The following KIAA0319 variants were observed in gnomAD, a reference collection of about 807,000 sequenced individuals.
The protein encoded by KIAA0319 is dyslexia-associated protein KIAA0319.
In KIAA0319, 83 loss-of-function variants were observed where a neutral mutation model predicts 108.4. That is an observed-to-expected ratio of 0.77 (90% CI 0.64 to 0.92). The LOEUF (loss-of-function observed/expected upper bound fraction) is 0.92. KIAA0319 is among the 40% of genes least tolerant of loss of function. The pLI is 0.00. For missense variants in KIAA0319, 1,195 were observed against 1,322.4 expected (o/e 0.90, Z 1.49); for synonymous variants, 484 against 510.4 (o/e 0.95, Z 0.70).
intron 1 of KIAA0319, among the ~76,000 whole-genome samples, chr6:24,612,567 G>C (rs1477768901): frequency 6.6e-6 from 1 of 152,148 alleles, no homozygotes; most frequent in Non-Finnish European, 1.5e-5. Flanking sequence ...GAAATACTTT[G>C]CATTAGTAAA....
At chr6:24,548,389 T>A (rs1442300531) in intron 20 of KIAA0319, among the ~76,000 whole-genome samples, 1 of 152,182 alleles carries the variant, frequency 6.6e-6, no homozygotes, top group Non-Finnish European at 1.5e-5. Context: ...ACACAGAAAC[T>A]GAAGAGGCCA....
intron 18 of KIAA0319, among the ~76,000 whole-genome samples, chr6:24,555,224 C>T (rs2744607): frequency 0.29 from 44,685 of 152,004 alleles, 7,888 homozygotes; most frequent in African/African-American, 0.5. Flanking sequence ...AGGCAGGGTG[C>T]GGTGGCTCAC....
Position 24,547,294 on chromosome 6 carries a change from C to G in KIAA0319, c.3090G>C (p.Glu1030Asp), listed in dbSNP as rs1176799138. 6.2e-7 allele frequency: 1 copy of G among 1,614,078 alleles called. No individual in the cohort carries two copies. Among genetic ancestry groups the G allele is most frequent in the African/African-American group, 1.3e-5 (1 of 74,932 alleles). ...TGTCCTGGTCACTGTCAAACTCAGA[C>G]TCGGATACCATCAGGCTGGAGTTGT... is the stretch of plus-strand genomic sequence containing the variant. ...TEHNSSLMVS[E>D]SEFDSDQDTI... The change falls in exon 21 of 21, where the codon GAG (glutamate) becomes GAC (aspartate). Residue 1030 changes from glutamate (E) to aspartate (D), a missense_variant. Glu to Asp is a conservative substitution (Grantham distance 45). Transcript: ENST00000378214.
intron 3 of KIAA0319, among the ~76,000 whole-genome samples, chr6:24,595,463 C>T (rs1325214384): frequency 7.1e-6 from 1 of 140,900 alleles, no homozygotes; most frequent in East Asian, 2.3e-4. Context: ...AGGAGAATGG[C>T]GTGAACCCAG....
chr6:24,619,410 T>C (rs1773608072), intron 1 of KIAA0319, among the ~76,000 whole-genome samples: 1 of 152,094 alleles, frequency 6.6e-6, no homozygotes, highest in African/African-American at 2.4e-5. Context: ...ATGGATAAGA[T>C]GTAAGGTGTG....
intron 14 of KIAA0319, among the ~76,000 whole-genome samples, chr6:24,565,752 CA>C (rs71542686): frequency 2.4e-3 from 151 of 62,714 alleles, no homozygotes; most frequent in South Asian, 6.2e-3. Flanking sequence ...GACTCCATCT[CA>C]AAAAAAAAAA....
rs747681227 is a variant in KIAA0319, at chr6:24,572,632, C to A, written c.1801G>T (p.Val601Leu). 6.2e-7 allele frequency: 1 copy of A among 1,614,000 alleles called. No homozygotes were observed. The highest frequency in any genetic ancestry group is 1.1e-5 in the South Asian group (1 of 91,066). ...GACTGTTGCCTTGAAGAATCTGTCA[C>A]CTTCAGCTGAAATGTATAATCTCCT... ...QEGDYTFQLK[V>L]TDSSRQQSTA... The change falls in exon 11 of 21, where the codon GTG becomes TTG. Residue 601 changes from valine to leucine, a missense_variant. Val to Leu is a conservative substitution (Grantham distance 32, BLOSUM62 1). Transcript: ENST00000378214.
In KIAA0319 at chr6:24,551,532, G is replaced by C; in HGVS notation, c.2949-7C>G. On this transcript the variant is annotated splice_region_variant and splice_polypyrimidine_tract_variant and intron_variant, in intron 19 of 20. Coordinates refer to ENST00000378214, the MANE Select transcript of KIAA0319 (RefSeq NM_014809.4). Reference sequence around the variant, plus strand: ...GATTTTAGTCCTTTTTTGTCTGAAAGGAACAATGAAAAGCTCAACTCAGAT... The same window carrying C: ...GATTTTAGTCCTTTTTTGTCTGAAACGAACAATGAAAAGCTCAACTCAGAT... 6.4e-7 allele frequency: 1 copy of C among 1,571,220 alleles called. No individual in the cohort carries two copies. Among genetic ancestry groups the C allele is most frequent in the Non-Finnish European group, 8.8e-7 (1 of 1,140,802 alleles).
At chr6:24,567,605 G>A (rs1764083395) in intron 13 of KIAA0319, among the ~76,000 whole-genome samples, 1 of 152,174 alleles carries the variant, frequency 6.6e-6, no homozygotes, top group Non-Finnish European at 1.5e-5. Context: ...GGAAGCTGAG[G>A]TGAGAGAATC....
intron 1 of KIAA0319, among the ~76,000 whole-genome samples, chr6:24,605,120 C>T (rs1771216803): frequency 6.6e-6 from 1 of 152,250 alleles, no homozygotes. Context: ...GGATTATAGG[C>T]ATGAGCCACC....
intron 2 of KIAA0319, chr6:24,598,990 G>T: frequency 3.0e-6 from 2 of 674,142 alleles, no homozygotes; most frequent in Admixed American, 1.9e-5. Flanking sequence ...GAGGAGTCTC[G>T]CCTGGAAGGG....
chr6:24,583,663 AT>A lies in KIAA0319; in HGVS notation c.1033del (p.Ile345Ter), dbSNP rs1766988740. On this transcript the variant is annotated frameshift_variant, in exon 5 of 21. Coordinates refer to ENST00000378214, the MANE Select transcript of KIAA0319 (RefSeq NM_014809.4). LOFTEE classifies it high-confidence loss of function. The stretch of plus-strand genomic sequence containing the variant: ...TTCAACTTCATTGTCGGGTAAAGTT[AT>A]AATTAGGTTATCTCCAGCCGATACC... ...LTVSAGDNLI[I>X]TLPDNEVELK... 6.2e-6 allele frequency: 10 copies of A among 1,613,772 alleles called. No homozygotes were observed. Among genetic ancestry groups the A allele is most frequent in the Non-Finnish European group, 8.5e-6 (10 of 1,179,848 alleles).
In KIAA0319 at chr6:24,599,548, A is replaced by G; in HGVS notation, c.55+1501T>C. ...TACAGGAAGGTGCTGGAGGGCGAGG[A>G]GAGCTGGCTGGAGTCTGGGATGCAG... On this transcript the variant is annotated intron_variant, in intron 2 of 20. Coordinates refer to ENST00000378214, the MANE Select transcript of KIAA0319 (RefSeq NM_014809.4). This position sits in a 1 kb window ranked among gnomAD's most constrained non-coding sequence, Gnocchi z 4.1. 1 of 579,562 alleles carries G rather than the reference A, an allele frequency of 1.7e-6. No individual in the cohort carries two copies. The allele number at this position is 579,562 out of a possible 1,614,324, so 35.9% of individuals were successfully genotyped here. A position where few individuals can be genotyped will look rare whatever the true frequency, so the allele number is the denominator to read the frequency against.
At chr6:24,580,305 G>A (rs985823424) in intron 7 of KIAA0319, among the ~76,000 whole-genome samples, 2 of 151,790 alleles carry the variant, frequency 1.3e-5, no homozygotes, top group Non-Finnish European at 2.9e-5. Flanking sequence ...TCTAACTGAA[G>A]GCAACTCCCC....
intron 1 of KIAA0319, among the ~76,000 whole-genome samples, chr6:24,609,817 C>T (rs1457206170): frequency 6.6e-6 from 1 of 151,948 alleles, no homozygotes. Flanking sequence ...GACAAGGGTT[C>T]CAGGACAATT....
At chr6:24,560,035 C>T (rs947698993) in intron 16 of KIAA0319, among the ~76,000 whole-genome samples, 1 of 152,194 alleles carries the variant, frequency 6.6e-6, no homozygotes, top group Non-Finnish European at 1.5e-5. Flanking sequence ...CACATCAATA[C>T]TTTATTCCTT....
At chr6:24,548,718 T>C (rs1450472529) in intron 20 of KIAA0319, among the ~76,000 whole-genome samples, 2 of 152,150 alleles carry the variant, frequency 1.3e-5, no homozygotes, top group Admixed American at 6.5e-5. Context: ...AAATGATTCA[T>C]GTAGGAAATA....
In KIAA0319 at chr6:24,564,486, T is replaced by A; in HGVS notation, c.2293-146A>T. 5.0e-6 allele frequency: 5 copies of A among 1,002,190 alleles called. No homozygotes were observed. The East Asian group carries it at 1.3e-4, about 26-fold the overall frequency. 62.1% of individuals were successfully genotyped at this position (1,002,190 alleles called of 1,614,324 possible). A position where few individuals can be genotyped will look rare whatever the true frequency, so the allele number is the denominator to read the frequency against. The stretch of plus-strand genomic sequence containing the variant: ...GCTGCAGGGAATGAGGCTGGCGGGA[T>A]AGCTAAAGACTGGAGAAATCCTCAG... On this transcript the variant is annotated intron_variant, in intron 14 of 20. Transcript: ENST00000378214.
chr6:24,551,828 T>C (rs778286326), intron 19 of KIAA0319, among the ~76,000 whole-genome samples: 9 of 152,196 alleles, frequency 5.9e-5, no homozygotes, highest in Admixed American at 5.9e-4. Flanking sequence ...AGGGAGCTCT[T>C]CTTCCTGAGT....
Sources: allele counts gnomAD v4.1 joint callset (sites outside exome capture counted in the v4.1 genomes callset), GRCh38; gene constraint gnomAD v4.1.1; non-coding constraint Gnocchi (gnomAD v3.1); transcripts MANE v1.5; gene names NCBI Gene and HGNC (gene_info 2026-07-23, HGNC 2026-07-21).